NR3C2: variants seen among roughly 807,000 people sequenced by gnomAD.
The protein encoded by NR3C2 is mineralocorticoid receptor.
Under a neutral mutation model 86.4 loss-of-function variants are expected in NR3C2, and 15 were observed. The observed-to-expected ratio is 0.17, with a 90% CI of 0.12 to 0.27. The LOEUF (loss-of-function observed/expected upper bound fraction) is 0.27. Ranked by LOEUF, NR3C2 falls within the 10% of genes least tolerant of loss-of-function variation. The pLI, the probability that NR3C2 is intolerant of heterozygous loss-of-function variation, is 1.00. For missense variants in NR3C2, 960 were observed against 1,195.6 expected (o/e 0.80, Z 2.91); for synonymous variants, 458 against 450.5 (o/e 1.02, Z -0.21).
At chr4:148,345,241 T>C (rs571340798) in intron 2 of NR3C2, among the ~76,000 whole-genome samples, 16 of 152,078 alleles carry the variant, frequency 1.1e-4, no homozygotes, top group African/African-American at 3.6e-4. Flanking sequence ...CTGGATATTT[T>C]AGTTAGTTTT....
chr4:148,421,151 C>G (rs1160662318), intron 2 of NR3C2, among the ~76,000 whole-genome samples: 1 of 152,132 alleles, frequency 6.6e-6, no homozygotes, highest in Non-Finnish European at 1.5e-5. Flanking sequence ...AATGTAGCAC[C>G]TCCCTATTTT....
At chr4:148,376,470 T>G (rs912133832) in intron 2 of NR3C2, among the ~76,000 whole-genome samples, 8 of 152,200 alleles carry the variant, frequency 5.3e-5, no homozygotes, top group African/African-American at 1.9e-4. Flanking sequence ...CAATAGACCC[T>G]TTCCTTTTTA....
intron 2 of NR3C2, among the ~76,000 whole-genome samples, chr4:148,266,075 C>CTTTT (rs71594256): frequency 7.4e-6 from 1 of 134,888 alleles, no homozygotes; most frequent in Non-Finnish European, 1.6e-5. Context: ...CAGAAGGCCG[C>CTTTT]TTTTTTTTTT....
chr4:148,081,945 G>A (rs2149702307), intron 8 of NR3C2, among the ~76,000 whole-genome samples: 1 of 152,336 alleles, frequency 6.6e-6, no homozygotes, highest in African/African-American at 2.4e-5. Flanking sequence ...CCAGGAGGGT[G>A]AGGAGCAGGA....
intron 2 of NR3C2, among the ~76,000 whole-genome samples, chr4:148,369,329 C>T (rs1297644905): frequency 6.6e-6 from 1 of 152,142 alleles, no homozygotes; most frequent in Non-Finnish European, 1.5e-5. Context: ...ACATGAATTT[C>T]GGAGAAATTA....
At chr4:148,442,798 C>A (rs1221394234), upstream of NR3C2, 3 of 985,306 alleles carry the variant, frequency 3.0e-6, no homozygotes, top group Non-Finnish European at 3.6e-6. Context: ...GCTGCCCCCA[C>A]CCCCATCGCT....
In NR3C2 at chr4:148,172,698, C is replaced by T. The variant is rs1034248433; in HGVS notation, c.2015-17797G>A. 3.3e-5 allele frequency among the ~76,000 whole-genome samples: 5 copies of T among 152,276 alleles called. No homozygotes were observed. The South Asian group carries it at 1.0e-3, about 32-fold the overall frequency. ...ATTCATTCAATAAGCATTTATTAAG[C>T]ATCTACTGTGCTAAGTGCTCTGAAG... On this transcript the variant is annotated intron_variant, in intron 4 of 8. Coordinates refer to ENST00000358102, the MANE Select transcript of NR3C2 (RefSeq NM_000901.5).
intron 2 of NR3C2, among the ~76,000 whole-genome samples, chr4:148,378,036 G>A (rs1045071182): frequency 6.6e-6 from 1 of 152,138 alleles, no homozygotes; most frequent in Admixed American, 6.5e-5. Flanking sequence ...TAAAGCCAGA[G>A]GGACCTCATC....
intron 2 of NR3C2, among the ~76,000 whole-genome samples, chr4:148,376,834 T>C (rs533049055): frequency 3.2e-4 from 49 of 152,314 alleles, no homozygotes; most frequent in African/African-American, 1.0e-3. Flanking sequence ...ATACAGGATA[T>C]TCCTAATTTA....
chr4:148,410,677 T>TA (rs1346829526), intron 2 of NR3C2, among the ~76,000 whole-genome samples: 2 of 152,184 alleles, frequency 1.3e-5, no homozygotes, highest in Non-Finnish European at 2.9e-5. Context: ...AAAGAATGTA[T>TA]TTTTCTTACC....
chr4:148,383,654 G>A (rs1047444500), intron 2 of NR3C2, among the ~76,000 whole-genome samples: 8 of 152,128 alleles, frequency 5.3e-5, no homozygotes, highest in Admixed American at 4.6e-4. Flanking sequence ...CACAGGGTCT[G>A]TAAATAAGCA....
intron 4 of NR3C2, among the ~76,000 whole-genome samples, chr4:148,175,453 T>G (rs1309998306): frequency 6.6e-6 from 1 of 152,202 alleles, no homozygotes; most frequent in African/African-American, 2.4e-5. Flanking sequence ...GATGGCTTAC[T>G]TACAGCCTAG....
At chr4:148,204,144 G>A (rs1479463043) in intron 3 of NR3C2, among the ~76,000 whole-genome samples, 1 of 151,982 alleles carries the variant, frequency 6.6e-6, no homozygotes, top group African/African-American at 2.4e-5. Flanking sequence ...GTATATTTTA[G>A]TAAAAGATAA....
chr4:148,116,105 TATAG>T (rs1404368312), intron 7 of NR3C2, among the ~76,000 whole-genome samples: 3 of 152,226 alleles, frequency 2.0e-5, no homozygotes, highest in South Asian at 4.1e-4. Context: ...AGTTTTTCAG[TATAG>T]ATACTTATAT....
chr4:148,229,174 C>T (rs951812689), intron 3 of NR3C2, among the ~76,000 whole-genome samples: 4 of 152,088 alleles, frequency 2.6e-5, no homozygotes, highest in South Asian at 4.1e-4. Flanking sequence ...CAGGCATGCC[C>T]GCAATGAACT....
At chr4:148,129,856 C>T (rs900621946) in intron 6 of NR3C2, among the ~76,000 whole-genome samples, 1 of 152,136 alleles carries the variant, frequency 6.6e-6, no homozygotes, top group African/African-American at 2.4e-5. Context: ...GCTTCGCCTC[C>T]CAAAGTGCTG....
chr4:148,363,616 G>T (rs1745962886), intron 2 of NR3C2, among the ~76,000 whole-genome samples: 1 of 147,920 alleles, frequency 6.8e-6, no homozygotes, highest in African/African-American at 2.5e-5. Flanking sequence ...CCATACTCCT[G>T]CCTCAGCCTC....
At chr4:148,118,136 TA>T (rs1176362949) in intron 7 of NR3C2, among the ~76,000 whole-genome samples, 1 of 152,212 alleles carries the variant, frequency 6.6e-6, no homozygotes, top group African/African-American at 2.4e-5. Flanking sequence ...TGTCAAGAGT[TA>T]AACTGCCAGA....
At position 148,436,199 on chromosome 4, in the gene NR3C2, C is replaced by T. The variant is rs1245067038; in HGVS notation, c.662G>A (p.Gly221Asp). The T allele has an allele frequency of 1.2e-6, 2 of 1,614,130 alleles. No individual in the cohort carries two copies. The highest frequency in any genetic ancestry group is 1.7e-6 in the Non-Finnish European group (2 of 1,180,022). Residue 221 changes from glycine to aspartate, a missense_variant, in exon 2 of 9, where the codon GGC (glycine) becomes GAC (aspartate). Gly to Asp is a moderately conservative substitution (Grantham distance 94). Around this residue, in one of 4 missense-constraint regions of NR3C2, gnomAD observed 680 missense variants for 719.0 expected, o/e 0.95. Coordinates refer to ENST00000358102, the MANE Select transcript of NR3C2 (RefSeq NM_000901.5). ...GATTGGGCTGTGCACTGGAAAACTG[C>T]CAAAGCTGGCTGTGGTGGAGGACAC... is the stretch of plus-strand genomic sequence containing the variant. ...NSVSSTTASF[G>D]SFPVHSPITQ...
Sources: allele counts gnomAD v4.1 joint callset (sites outside exome capture counted in the v4.1 genomes callset), GRCh38; gene constraint gnomAD v4.1.1; regional missense constraint gnomAD v4.1.1; transcripts MANE v1.5; gene names NCBI Gene and HGNC (gene_info 2026-07-23, HGNC 2026-07-21).